Variants in CACNA2D1 observed in about 807,000 individuals in gnomAD.
CACNA2D1 encodes voltage-dependent calcium channel subunit alpha-2/delta-1.
Under a neutral mutation model 171.5 loss-of-function variants are expected in CACNA2D1, and 53 were observed. The observed-to-expected ratio is 0.31, with a 90% CI of 0.25 to 0.39. The LOEUF (loss-of-function observed/expected upper bound fraction) is 0.39. Among genes scored for constraint, CACNA2D1 ranks in the 10% least tolerant of loss-of-function variants. The pLI, the probability that CACNA2D1 is intolerant of heterozygous loss-of-function variation, is 1.00. For synonymous variants in CACNA2D1, 442 were observed against 443.1 expected (o/e 1.00, Z 0.03); for missense variants, 903 against 1,299.8 (o/e 0.69, Z 4.69).
In CACNA2D1 at chr7:82,111,446, T is replaced by TATA. The variant is rs1305523365; in HGVS notation, c.526+5597_526+5598insTAT. ...TATGTGTGTATATATATATATATAT[T>TATA]TTTTTTTTTTTTTTTTTTTGAGACA... is the stretch of plus-strand genomic sequence containing the variant. On this transcript the variant is annotated intron_variant, in intron 6 of 38. Coordinates refer to ENST00000356860, the MANE Select transcript of CACNA2D1 (RefSeq NM_000722.4). Among the ~76,000 whole-genome samples the TATA allele has an allele frequency of 2.2e-3, 177 of 80,300 alleles. 4 individuals are homozygous for TATA. Among genetic ancestry groups the TATA allele is most frequent in the South Asian group, 6.5e-3 (16 of 2,444 alleles). The allele number at this position is 80,300 out of a possible 152,430, so 52.7% of individuals were successfully genotyped here.
chr7:81,987,371 A>C (rs959154068), intron 21 of CACNA2D1, among the ~76,000 whole-genome samples: 3 of 152,190 alleles, frequency 2.0e-5, no homozygotes, highest in African/African-American at 7.2e-5. Flanking sequence ...GCAAGTGGCC[A>C]CCAGATGAAT....
chr7:82,336,044 G>A (rs1010035030), intron 2 of CACNA2D1, among the ~76,000 whole-genome samples: 2 of 152,180 alleles, frequency 1.3e-5, no homozygotes, highest in African/African-American at 2.4e-5. Flanking sequence ...CAGTCACAGT[G>A]TTTGTGGCTG....
At chr7:82,209,398 A>G (rs2129222080) in intron 3 of CACNA2D1, among the ~76,000 whole-genome samples, 1 of 152,312 alleles carries the variant, frequency 6.6e-6, no homozygotes, top group East Asian at 1.9e-4. Context: ...CAAGTGTGCA[A>G]TTCATCACAA....
chr7:82,012,086 G>C, intron 15 of CACNA2D1, 68 bp downstream of exon 15: 1 of 971,570 alleles, frequency 1.0e-6, no homozygotes, highest in Non-Finnish European at 1.7e-6. Flanking sequence ...ACATCATCTA[G>C]AAAGAAGTAG....
intron 4 of CACNA2D1, among the ~76,000 whole-genome samples, chr7:82,137,666 T>G: frequency 7.2e-6 from 1 of 139,268 alleles, no homozygotes; most frequent in Non-Finnish European, 1.5e-5. Context: ...GGTCAGGAGA[T>G]CGAGACCATC....
intron 1 of CACNA2D1, among the ~76,000 whole-genome samples, chr7:82,432,502 G>A (rs943277778): frequency 2.0e-5 from 3 of 152,318 alleles, no homozygotes; most frequent in African/African-American, 7.2e-5. Flanking sequence ...GGGATATTCT[G>A]TCAGTTTTTT....
intron 4 of CACNA2D1, among the ~76,000 whole-genome samples, chr7:82,161,885 C>T (rs2129133695): frequency 6.6e-6 from 1 of 151,866 alleles, no homozygotes; most frequent in African/African-American, 2.4e-5. Context: ...AAAGACTGTG[C>T]CCTAAATTTA....
chr7:82,351,581 A>G (rs556746273), intron 1 of CACNA2D1, among the ~76,000 whole-genome samples: 4 of 151,344 alleles, frequency 2.6e-5, no homozygotes, highest in African/African-American at 7.3e-5. Context: ...AACAGGATAG[A>G]AAAAGGTAAA....
At chr7:82,377,818 G>A (rs1544462) in intron 1 of CACNA2D1, among the ~76,000 whole-genome samples, 94,912 of 152,004 alleles carry the variant, frequency 0.62, 30,211 homozygotes, top group Middle Eastern at 0.74. Flanking sequence ...TTCTTTCTAC[G>A]GTTGATGTTA....
intron 1 of CACNA2D1, among the ~76,000 whole-genome samples, chr7:82,442,363 C>T (rs1455892975): frequency 6.6e-6 from 1 of 152,124 alleles, no homozygotes; most frequent in Non-Finnish European, 1.5e-5. Context: ...AGTGACTCAT[C>T]CACTTAAGAT....
At chr7:81,962,334 G>A (rs1259849018) in intron 35 of CACNA2D1, 106 bp downstream of exon 35, 1 of 877,804 alleles carries the variant, frequency 1.1e-6, no homozygotes, top group Middle Eastern at 2.5e-4. Flanking sequence ...TGGGTGACCT[G>A]TTTTCTCTTT....
intron 3 of CACNA2D1, among the ~76,000 whole-genome samples, chr7:82,267,063 G>T (rs1274403681): frequency 6.6e-6 from 1 of 152,068 alleles, no homozygotes; most frequent in Non-Finnish European, 1.5e-5. Context: ...CACTTGCCTA[G>T]AAGTTTTCAA....
chr7:82,287,263 T>TTTC (rs1270404355), intron 3 of CACNA2D1, among the ~76,000 whole-genome samples: 92 of 50,190 alleles, frequency 1.8e-3, no homozygotes, highest in African/African-American at 0.01. Flanking sequence ...CTTTTCTTTC[T>TTTC]TTTTTTTTTT....
intron 11 of CACNA2D1, among the ~76,000 whole-genome samples, chr7:82,036,259 C>T (rs1330341117): frequency 6.6e-6 from 1 of 152,110 alleles, no homozygotes; most frequent in Non-Finnish European, 1.5e-5. Flanking sequence ...TAGAACACTC[C>T]AAGGCCATAC....
At chr7:82,114,020 T>C (rs1788739914) in intron 6 of CACNA2D1, among the ~76,000 whole-genome samples, 1 of 152,166 alleles carries the variant, frequency 6.6e-6, no homozygotes, top group African/African-American at 2.4e-5. Flanking sequence ...TATTAAATAT[T>C]TTATTGATTC....
intron 6 of CACNA2D1, among the ~76,000 whole-genome samples, chr7:82,101,889 G>C (rs1252618236): frequency 6.6e-6 from 1 of 152,082 alleles, no homozygotes; most frequent in Non-Finnish European, 1.5e-5. Context: ...GTATCAGTAG[G>C]AAAGGTTAAC....
intron 7 of CACNA2D1, among the ~76,000 whole-genome samples, chr7:82,079,807 A>G (rs1809479327): frequency 1.3e-5 from 2 of 152,052 alleles, no homozygotes; most frequent in African/African-American, 4.8e-5. Context: ...CAAAGGACGC[A>G]TAATTACAGT....
intron 10 of CACNA2D1, among the ~76,000 whole-genome samples, chr7:82,056,075 C>T (rs1418349257): frequency 7.3e-6 from 1 of 137,886 alleles, no homozygotes; most frequent in African/African-American, 2.7e-5. Flanking sequence ...ACAGTCTCTA[C>T]TCCAAGAAAA....
chr7:81,956,160 G>C (rs570977792), intron 38 of CACNA2D1, among the ~76,000 whole-genome samples: 4 of 151,314 alleles, frequency 2.6e-5, no homozygotes, highest in Admixed American at 1.3e-4. Context: ...TTTTAGTAGA[G>C]ATGGGGTTTC....
Sources: allele counts gnomAD v4.1 joint callset (sites outside exome capture counted in the v4.1 genomes callset), GRCh38; gene constraint gnomAD v4.1.1; transcripts MANE v1.5; gene names NCBI Gene and HGNC (gene_info 2026-07-23, HGNC 2026-07-21).